C12orf56: variants seen among roughly 807,000 people sequenced by gnomAD.
C12orf56 encodes chromosome 12 open reading frame 56, also known as uncharacterized protein C12orf56.
In C12orf56, 71 loss-of-function variants were observed where a neutral mutation model predicts 69.9. The ratio of observed to expected loss-of-function variants is 1.02; its 90% confidence interval spans 0.84 to 1.24. C12orf56 has a LOEUF of 1.24. Among genes scored for constraint, C12orf56 ranks in the 50% most tolerant of loss-of-function variants. The pLI is 0.00. For synonymous variants in C12orf56, 276 were observed against 274.1 expected (o/e 1.01, Z -0.07); for missense variants, 732 against 738.5 (o/e 0.99, Z 0.10).
At chr12:64,325,209 A>G (rs1283180675) in intron 3 of C12orf56, among the ~76,000 whole-genome samples, 7 of 152,134 alleles carry the variant, frequency 4.6e-5, no homozygotes, top group Admixed American at 2.0e-4. Flanking sequence ...ATGTGTTAAG[A>G]GTGTAGACTA....
chr12:64,364,658 T>C (rs772596382), intron 1 of C12orf56, among the ~76,000 whole-genome samples: 19 of 152,160 alleles, frequency 1.2e-4, no homozygotes, highest in Non-Finnish European at 1.8e-4. Flanking sequence ...CTAGTTTCTC[T>C]TAGATTTCAT....
chr12:64,287,296 G>C (rs1247663899), intron 6 of C12orf56, among the ~76,000 whole-genome samples: 8 of 146,310 alleles, frequency 5.5e-5, no homozygotes, highest in Admixed American at 5.4e-4. Context: ...AAGAAGAAGT[G>C]CTTGGGTTTA....
At chr12:64,296,182 T>C (rs1316464332) in intron 6 of C12orf56, among the ~76,000 whole-genome samples, 1 of 152,122 alleles carries the variant, frequency 6.6e-6, no homozygotes, top group Non-Finnish European at 1.5e-5. Context: ...GGATAGAGGC[T>C]CGAAGAATTT....
chr12:64,363,940 G>A (rs1266827324), intron 1 of C12orf56, among the ~76,000 whole-genome samples: 1 of 151,748 alleles, frequency 6.6e-6, no homozygotes, highest in African/African-American at 2.4e-5. Context: ...ACTCCTTTGA[G>A]CAATAAATTT....
chr12:64,385,092 T>A (rs1031745909), intron 1 of C12orf56, among the ~76,000 whole-genome samples: 24 of 151,650 alleles, frequency 1.6e-4, no homozygotes, highest in African/African-American at 5.8e-4. Context: ...TAGAAGGGCT[T>A]AAGTGGTATT....
chr12:64,308,967 G>GAAAGAAAGAAAGAAAGA (rs1565749107), intron 5 of C12orf56, among the ~76,000 whole-genome samples: 3 of 117,296 alleles, frequency 2.6e-5, no homozygotes, highest in African/African-American at 9.7e-5. Context: ...AAGAAAGAAA[G>GAAAGAAAGAAAGAAAGA]AAAGAAAAGA....
At chr12:64,360,146 C>T (rs1386897942) in intron 1 of C12orf56, among the ~76,000 whole-genome samples, 1 of 151,542 alleles carries the variant, frequency 6.6e-6, no homozygotes, top group Non-Finnish European at 1.5e-5. Flanking sequence ...CAAAAACTGG[C>T]TGGGTGCGGT....
chr12:64,365,831 A>T (rs1454861614), intron 1 of C12orf56, among the ~76,000 whole-genome samples: 1 of 139,356 alleles, frequency 7.2e-6, no homozygotes, highest in Admixed American at 7.6e-5. Flanking sequence ...TATTATGTAT[A>T]ATATATAGTG....
chr12:64,366,161 TTGTATAATATATAGTTTATATATTA>T (rs1234901677), intron 1 of C12orf56, among the ~76,000 whole-genome samples: 2 of 128,216 alleles, frequency 1.6e-5, no homozygotes, highest in Non-Finnish European at 3.1e-5. Context: ...AATATATAGC[TTGTATAATATATAGTTTATATATTA>T]TGTATAATAT....
intron 5 of C12orf56, among the ~76,000 whole-genome samples, chr12:64,310,545 G>A (rs1184831885): frequency 1.3e-5 from 2 of 152,120 alleles, no homozygotes; most frequent in African/African-American, 4.8e-5. Flanking sequence ...TTTGTTTGAT[G>A]ATTTGCAGAG....
rs945199207 is a variant in C12orf56 at position 64,318,894 on chromosome 12, C to A, written c.575G>T (p.Gly192Val). The A allele has an allele frequency of 1.9e-5, 29 of 1,536,986 alleles. No homozygotes were observed. In the African/African-American group the frequency reaches 3.0e-4, roughly 16 times the overall value. ...GLKKLSLHGQ[G>V]AFRPLPSPSR... ...GGGGGAAGGTAGGGGTCGAAAGGCA[C>A]CTTGGCCATGAAGGGACAGCTTTTT... The change falls in exon 4 of 13, where the codon GGT becomes GTT. Residue 192 changes from glycine (G) to valine (V), a missense_variant. Physicochemically the swap from Gly to Val is moderately radical, Grantham distance 109. Coordinates refer to ENST00000543942, the MANE Select transcript of C12orf56 (RefSeq NM_001170633.2).
chr12:64,306,248 A>G (rs889584205), intron 5 of C12orf56, among the ~76,000 whole-genome samples: 2 of 152,214 alleles, frequency 1.3e-5, no homozygotes, highest in African/African-American at 4.8e-5. Flanking sequence ...ATTAGCTTAT[A>G]CATAGATGAC....
intron 5 of C12orf56, among the ~76,000 whole-genome samples, chr12:64,305,584 T>C (rs1367380951): frequency 6.6e-6 from 1 of 152,140 alleles, no homozygotes; most frequent in African/African-American, 2.4e-5. Context: ...GGTTTCACCA[T>C]GTTGGCTGGG....
intron 1 of C12orf56, chr12:64,356,001 A>G (rs1174328613): frequency 6.6e-6 from 1 of 152,174 alleles, no homozygotes; most frequent in Non-Finnish European, 1.5e-5. Flanking sequence ...CATCTCCACT[A>G]AAGATACAAA....
Position 64,390,602 on chromosome 12 carries a change from G to A in C12orf56, c.-37C>T. Reference sequence around the variant, plus strand: ...GCAGCGTGGCGGAGTGCTGGGACTCGAGGCCCTCAGCTCGCCCTCTCCCCG... The same window carrying A: ...GCAGCGTGGCGGAGTGCTGGGACTCAAGGCCCTCAGCTCGCCCTCTCCCCG... On this transcript the variant is annotated 5_prime_UTR_variant, in exon 1 of 13. Coordinates refer to ENST00000543942, the MANE Select transcript of C12orf56 (RefSeq NM_001170633.2). 2 of 1,467,142 alleles carry A rather than the reference G, an allele frequency of 1.4e-6. No individual in the cohort carries two copies. The highest frequency in any genetic ancestry group is 1.8e-6 in the Non-Finnish European group (2 of 1,118,090). 90.9% of individuals were successfully genotyped at this position (1,467,142 alleles called of 1,614,324 possible).
chr12:64,370,900 C>A (rs373974974), intron 1 of C12orf56, among the ~76,000 whole-genome samples: 74 of 151,868 alleles, frequency 4.9e-4, no homozygotes, highest in African/African-American at 1.8e-3. Flanking sequence ...GTAATCCCAA[C>A]TACTTGGGAA....
At chr12:64,362,184 CT>C (rs1001624459) in intron 1 of C12orf56, among the ~76,000 whole-genome samples, 40 of 152,066 alleles carry the variant, frequency 2.6e-4, no homozygotes, top group African/African-American at 9.4e-4. Context: ...GAAACTGGGG[CT>C]GGGGAAGTTG....
Position 64,370,058 on chromosome 12 carries a change from T to G in C12orf56, c.253-17002A>C, listed in dbSNP as rs1028931063. Among the ~76,000 whole-genome samples the G allele has an allele frequency of 7.3e-5, 11 of 151,174 alleles. No individual in the cohort carries two copies. In the East Asian group the frequency reaches 2.2e-3, roughly 30 times the overall value. ...AAAATAAGATGCTGGCCAGGCATGG[T>G]GGCTGAAATTACAAGTGTAATTACA... On this transcript the variant is annotated intron_variant, in intron 1 of 12. Transcript: ENST00000543942.
chr12:64,363,078 AT>A (rs150832822), intron 1 of C12orf56, among the ~76,000 whole-genome samples: 176 of 152,292 alleles, frequency 1.2e-3, no homozygotes, highest in South Asian at 2.3e-3. Context: ...GTGACTTAGA[AT>A]GCCTTAACCT....
Sources: gnomAD v4.1 joint callset for allele counts (sites outside exome capture counted in the v4.1 genomes callset) on GRCh38, gnomAD v4.1.1 for gene constraint, MANE v1.5 for transcripts, NCBI Gene and HGNC (gene_info 2026-07-23, HGNC 2026-07-21) for gene names.